NBAS: variants seen among roughly 807,000 people sequenced by gnomAD.
NBAS encodes the protein NAG/BC035112 fusion.
NBAS carries 219 observed loss-of-function variants against 302.5 expected under a neutral mutation model. The observed-to-expected ratio is 0.72, with a 90% CI of 0.65 to 0.81. The LOEUF (loss-of-function observed/expected upper bound fraction) is 0.81, where lower values mean the gene tolerates loss of function less well. Among genes scored for constraint, NBAS ranks in the 30% least tolerant of loss-of-function variants. The pLI is 0.00. For synonymous variants in NBAS, 1,118 were observed against 1,021.6 expected, an observed-to-expected ratio of 1.09 and a Z score of -1.80; for missense variants, 2,932 against 2,841.6, an observed-to-expected ratio of 1.03 and a Z score of -0.72.
the NBAS span, among the ~76,000 whole-genome samples, chr2:14,910,842 C>T: frequency 6.6e-6 from 1 of 152,128 alleles, no homozygotes; most frequent in South Asian, 2.1e-4. Context: ...TTTGAGAAGG[C>T]AGGCTTTCAA....
intron 32 of NBAS, among the ~76,000 whole-genome samples, chr2:15,362,261 T>A (rs1380370244): frequency 6.6e-6 from 1 of 151,260 alleles, no homozygotes; most frequent in African/African-American, 2.4e-5. Context: ...GAGGATCGTT[T>A]GTGGGAAGGA....
At chr2:15,184,556 A>C (rs565209604) in intron 50 of NBAS, among the ~76,000 whole-genome samples, 1 of 152,076 alleles carries the variant, frequency 6.6e-6, no homozygotes, top group East Asian at 1.9e-4. Context: ...TTGTGCTCCT[A>C]TAAGAATCTT....
At chr2:14,906,057 A>T in the NBAS span, among the ~76,000 whole-genome samples, 1 of 152,130 alleles carries the variant, frequency 6.6e-6, no homozygotes, top group Non-Finnish European at 1.5e-5. Flanking sequence ...CCGTAATTCA[A>T]TTTCTGGAAC....
the NBAS span, among the ~76,000 whole-genome samples, chr2:15,155,046 C>T: frequency 3.3e-5 from 5 of 152,294 alleles, no homozygotes; most frequent in East Asian, 9.7e-4. Flanking sequence ...CTTTTGAGCT[C>T]TGTCACGTAA....
intron 16 of NBAS, among the ~76,000 whole-genome samples, chr2:15,471,804 A>G (rs762926913): frequency 6.6e-6 from 1 of 152,172 alleles, no homozygotes; most frequent in Non-Finnish European, 1.5e-5. Context: ...TGTCTGCCAT[A>G]TAAGGACACA....
At chr2:14,996,591 G>C in the NBAS span, among the ~76,000 whole-genome samples, 861 of 152,290 alleles carry the variant, frequency 5.7e-3, 11 homozygotes, top group African/African-American at 0.019. Flanking sequence ...GGAAGATATT[G>C]TTGTCTCTTT....
the NBAS span, among the ~76,000 whole-genome samples, chr2:15,096,713 G>A: frequency 1.3e-5 from 2 of 152,162 alleles, no homozygotes; most frequent in African/African-American, 4.8e-5. Flanking sequence ...ATGCAAAGGG[G>A]CCGCCTCTGC....
chr2:15,305,762 G>A (rs1480556681), intron 40 of NBAS, among the ~76,000 whole-genome samples: 2 of 152,074 alleles, frequency 1.3e-5, no homozygotes, highest in East Asian at 1.9e-4. Flanking sequence ...AGTTCTTTAT[G>A]GCAGTATGAA....
At chr2:15,406,756 C>A (rs1267739281) in intron 25 of NBAS, among the ~76,000 whole-genome samples, 3 of 152,148 alleles carry the variant, frequency 2.0e-5, no homozygotes, top group Non-Finnish European at 4.4e-5. Flanking sequence ...AATAAATTCA[C>A]AAGAGAGGTA....
chr2:14,874,717 G>GATGTA, the NBAS span, among the ~76,000 whole-genome samples: 1 of 150,352 alleles, frequency 6.7e-6, no homozygotes, highest in Non-Finnish European at 1.5e-5. Flanking sequence ...AATGCTTGGA[G>GATGTA]ATTTTTACAT....
the NBAS span, among the ~76,000 whole-genome samples, chr2:14,873,386 T>C: frequency 6.6e-6 from 1 of 152,194 alleles, no homozygotes; most frequent in Non-Finnish European, 1.5e-5. Context: ...GATTAATTTT[T>C]TTGTATTTTT....
chr2:14,830,533 T>C, the NBAS span, among the ~76,000 whole-genome samples: 1 of 152,072 alleles, frequency 6.6e-6, no homozygotes, highest in Non-Finnish European at 1.5e-5. Flanking sequence ...CCATCAAAAG[T>C]CCTAATATCT....
chr2:14,974,645 AAGGGCCC>A, the NBAS span, among the ~76,000 whole-genome samples: 430 of 152,328 alleles, frequency 2.8e-3, 1 homozygote, highest in Non-Finnish European at 4.7e-3. Context: ...CATCTAGCCT[AAGGGCCC>A]ATTCTATGCT....
Position 15,419,210 on chromosome 2 carries a change from T to C in NBAS, c.2578-1498A>G, listed in dbSNP as rs571484309. Among the ~76,000 whole-genome samples the C allele has an allele frequency of 7.9e-5, 12 of 152,232 alleles. 1 individual carries two copies. Among genetic ancestry groups the C allele is most frequent in the Middle Eastern group, 3.4e-3 (1 of 294 alleles). ...CTGAAGACATACAAGAAAAAGAATATAACAGATAATTAAGCAGACAGAATT... is the reference window on the plus strand; with the variant it reads ...CTGAAGACATACAAGAAAAAGAATACAACAGATAATTAAGCAGACAGAATT... On this transcript the variant is annotated intron_variant, in intron 23 of 51. Coordinates refer to ENST00000281513, the MANE Select transcript of NBAS (RefSeq NM_015909.4).
At chr2:15,311,855 C>T (rs1370517670) in intron 38 of NBAS, among the ~76,000 whole-genome samples, 2 of 151,980 alleles carry the variant, frequency 1.3e-5, no homozygotes, top group Admixed American at 1.3e-4. Context: ...GAAAAGAATT[C>T]TCCCCTTGAT....
intron 35 of NBAS, among the ~76,000 whole-genome samples, chr2:15,350,125 A>G (rs893219317): frequency 6.6e-6 from 1 of 152,152 alleles, no homozygotes; most frequent in African/African-American, 2.4e-5. Context: ...GAGTTGTGAG[A>G]ATGGGGTAGT....
the NBAS span, among the ~76,000 whole-genome samples, chr2:15,040,779 C>G: frequency 2.0e-4 from 30 of 152,300 alleles, no homozygotes; most frequent in African/African-American, 6.7e-4. Flanking sequence ...TCAGACTTTG[C>G]TACCCATAAA....
the NBAS span, among the ~76,000 whole-genome samples, chr2:15,011,746 A>T: frequency 6.6e-6 from 1 of 152,200 alleles, no homozygotes; most frequent in Non-Finnish European, 1.5e-5. Flanking sequence ...CAGCAAATTC[A>T]TGCCACCACT....
the NBAS span, among the ~76,000 whole-genome samples, chr2:15,010,286 T>C: frequency 6.6e-6 from 1 of 152,158 alleles, no homozygotes; most frequent in East Asian, 1.9e-4. Flanking sequence ...ATACATCTTC[T>C]ACAGCCTAAA....
Sources: gnomAD v4.1 joint callset for allele counts (sites outside exome capture counted in the v4.1 genomes callset) on GRCh38, gnomAD v4.1.1 for gene constraint, MANE v1.5 for transcripts, NCBI Gene and HGNC (gene_info 2026-07-23, HGNC 2026-07-21) for gene names.